KCNH1: variants seen among roughly 807,000 people sequenced by gnomAD.
KCNH1 encodes the protein potassium voltage-gated channel subfamily H member 1, also known as voltage-gated delayed rectifier potassium channel KCNH1.
Under a neutral mutation model 69.2 loss-of-function variants are expected in KCNH1, and 27 were observed. The ratio of observed to expected loss-of-function variants is 0.39; its 90% confidence interval spans 0.29 to 0.54. KCNH1 has a LOEUF of 0.54. Ranked by LOEUF, KCNH1 falls within the 20% of genes least tolerant of loss-of-function variation. KCNH1 has a pLI of 0.68. For synonymous variants in KCNH1, 456 were observed against 487.7 expected, an observed-to-expected ratio of 0.93 and a Z score of 0.86; for missense variants, 798 against 1,261.6, an observed-to-expected ratio of 0.63 and a Z score of 5.57.
At chr1:210,753,453 GCTT>G (rs1360870179) in intron 10 of KCNH1, among the ~76,000 whole-genome samples, 4 of 152,216 alleles carry the variant, frequency 2.6e-5, no homozygotes, top group Non-Finnish European at 5.9e-5. Context: ...AAGTAGCCCA[GCTT>G]CCCCATGGGG....
At chr1:210,715,803 A>C (rs186226819) in intron 10 of KCNH1, among the ~76,000 whole-genome samples, 1 of 152,258 alleles carries the variant, frequency 6.6e-6, no homozygotes, top group African/African-American at 2.4e-5. Flanking sequence ...ATGTAGCTCA[A>C]CCAACAACCT....
intron 7 of KCNH1, among the ~76,000 whole-genome samples, chr1:210,805,844 T>G (rs1684539714): frequency 6.6e-6 from 1 of 152,222 alleles, no homozygotes; most frequent in Admixed American, 6.5e-5. Context: ...TATGCGGTCT[T>G]CCATGACTAG....
chr1:210,795,966 C>CACACAG, intron 9 of KCNH1, among the ~76,000 whole-genome samples: 1 of 95,258 alleles, frequency 1.0e-5, no homozygotes, highest in Non-Finnish European at 2.2e-5. Flanking sequence ...ACTAAAAACA[C>CACACAG]ACACACACAC....
Position 210,919,578 on chromosome 1 carries a change from A to ATTTCCCTGTT in KCNH1, c.1462+52_1462+61dup. 1.4e-6 allele frequency: 2 copies of ATTTCCCTGTT among 1,448,332 alleles called. No individual in the cohort carries two copies. The highest frequency in any genetic ancestry group is 1.9e-6 in the Non-Finnish European group (2 of 1,046,258). The allele number at this position is 1,448,332 out of a possible 1,614,324, so 89.7% of individuals were successfully genotyped here. A position where few individuals can be genotyped will look rare whatever the true frequency, so the allele number is the denominator to read the frequency against. ...TCCTGATCCTGCTGGCACTGTAGCCATTTCCCTGTTTCCAGCTAACAGAAG... is the reference window on the plus strand; with the variant it reads ...TCCTGATCCTGCTGGCACTGTAGCCATTTCCCTGTTTTTCCCTGTTTCCAGCTAACAGAAG... On this transcript the variant is annotated intron_variant, in intron 7 of 10. Transcript: ENST00000271751. This position sits in a 1 kb window ranked among gnomAD's most constrained non-coding sequence, Gnocchi z 4.2.
At chr1:210,828,866 C>T (rs1237763556) in intron 7 of KCNH1, among the ~76,000 whole-genome samples, 1 of 152,178 alleles carries the variant, frequency 6.6e-6, no homozygotes, top group African/African-American at 2.4e-5. Context: ...AAAGCAGGTC[C>T]TTTCAGAAAT....
chr1:210,990,958 T>A (rs547246250), intron 6 of KCNH1, among the ~76,000 whole-genome samples: 2 of 152,132 alleles, frequency 1.3e-5, no homozygotes, highest in African/African-American at 2.4e-5. Flanking sequence ...ACATAGACTA[T>A]GGGAAAACAG....
chr1:211,094,033 C>T (rs769969414), intron 3 of KCNH1, among the ~76,000 whole-genome samples: 2 of 152,212 alleles, frequency 1.3e-5, no homozygotes, highest in Non-Finnish European at 2.9e-5. Flanking sequence ...CATCCCCCAG[C>T]ATCAGCTTTA....
chr1:211,102,922 A>G (rs1691285686), intron 3 of KCNH1, among the ~76,000 whole-genome samples: 1 of 152,214 alleles, frequency 6.6e-6, no homozygotes, highest in African/African-American at 2.4e-5. Flanking sequence ...CTAATCTCCA[A>G]CAGGAAACCT....
At chr1:210,907,842 T>A (rs893588726) in intron 7 of KCNH1, among the ~76,000 whole-genome samples, 1 of 152,166 alleles carries the variant, frequency 6.6e-6, no homozygotes, top group African/African-American at 2.4e-5. Flanking sequence ...GCACCTATGG[T>A]CACCCAGAGT....
intron 6 of KCNH1, among the ~76,000 whole-genome samples, chr1:210,952,045 C>T (rs895650137): frequency 5.3e-5 from 8 of 152,296 alleles, no homozygotes; most frequent in Non-Finnish European, 1.2e-4. Flanking sequence ...CCCACATCTT[C>T]CTGTGTGACA....
At chr1:210,872,260 T>G (rs1210508837) in intron 7 of KCNH1, among the ~76,000 whole-genome samples, 1 of 151,866 alleles carries the variant, frequency 6.6e-6, no homozygotes, top group African/African-American at 2.4e-5. Flanking sequence ...ACAATAATGA[T>G]GATTAAAATG....
chr1:210,923,295 C>T (rs1369589223), intron 6 of KCNH1, among the ~76,000 whole-genome samples: 1 of 152,200 alleles, frequency 6.6e-6, no homozygotes, highest in African/African-American at 2.4e-5. Context: ...TTCTAGACCA[C>T]CTTTAAGAAA....
At chr1:210,991,701 TC>T in intron 6 of KCNH1, among the ~76,000 whole-genome samples, 1 of 152,118 alleles carries the variant, frequency 6.6e-6, no homozygotes, top group East Asian at 1.9e-4. Context: ...GATTTAATCA[TC>T]CCACAATGAT....
At chr1:210,806,836 A>AAAAAAATATATATATAT (rs1553346591) in intron 7 of KCNH1, among the ~76,000 whole-genome samples, 1 of 85,686 alleles carries the variant, frequency 1.2e-5, no homozygotes, top group Non-Finnish European at 2.2e-5. Context: ...AAAAAAAAAA[A>AAAAAAATATATATATAT]ATATATATAT....
chr1:210,806,408 T>C (rs1173391990), intron 7 of KCNH1, among the ~76,000 whole-genome samples: 1 of 152,048 alleles, frequency 6.6e-6, no homozygotes, highest in Non-Finnish European at 1.5e-5. Flanking sequence ...TTTTTTTTAT[T>C]GTTGAGTTCT....
intron 7 of KCNH1, among the ~76,000 whole-genome samples, chr1:210,872,731 G>A (rs1423336574): frequency 1.3e-5 from 2 of 152,114 alleles, no homozygotes; most frequent in Non-Finnish European, 2.9e-5. Context: ...TCACTATCAT[G>A]AGAACAGCAC....
At chr1:210,750,364 C>G (rs1683256172) in intron 10 of KCNH1, among the ~76,000 whole-genome samples, 2 of 152,176 alleles carry the variant, frequency 1.3e-5, no homozygotes, top group African/African-American at 4.8e-5. Flanking sequence ...TTTTAGAGTT[C>G]TAAGCCAGGA....
At chr1:210,806,806 C>CTAAAAA (rs1558477653) in intron 7 of KCNH1, among the ~76,000 whole-genome samples, 1 of 86,268 alleles carries the variant, frequency 1.2e-5, no homozygotes, top group Admixed American at 1.3e-4. Context: ...CCCATCTCTA[C>CTAAAAA]CAAAAAAAAA....
chr1:210,866,287 C>T (rs1226273540), intron 7 of KCNH1, among the ~76,000 whole-genome samples: 1 of 152,116 alleles, frequency 6.6e-6, no homozygotes, highest in Non-Finnish European at 1.5e-5. Flanking sequence ...AAAACCTAAA[C>T]TTTTGTACTG....
Sources: allele counts gnomAD v4.1 joint callset (sites outside exome capture counted in the v4.1 genomes callset), GRCh38; gene constraint gnomAD v4.1.1; non-coding constraint Gnocchi (gnomAD v3.1); transcripts MANE v1.5; gene names NCBI Gene and HGNC (gene_info 2026-07-23, HGNC 2026-07-21).